The following SHISA6 variants were observed in gnomAD, a reference collection of about 807,000 sequenced individuals.
The protein encoded by SHISA6 is protein shisa-6.
SHISA6 carries 22 observed loss-of-function variants against 47.9 expected under a neutral mutation model. The observed-to-expected ratio is 0.46, with a 90% confidence interval of 0.33 to 0.66. The LOEUF (loss-of-function observed/expected upper bound fraction) is 0.66, where lower values mean the gene tolerates loss of function less well. SHISA6 is among the 30% of genes least tolerant of loss of function. SHISA6 has a pLI of 0.02. For synonymous variants in SHISA6, 388 were observed against 337.8 expected (o/e 1.15, Z -1.63); for missense variants, 680 against 764.6 (o/e 0.89, Z 1.30).
intron 3 of SHISA6, among the ~76,000 whole-genome samples, chr17:11,412,477 C>G (rs1036466103): frequency 6.6e-6 from 1 of 151,850 alleles, no homozygotes; most frequent in Non-Finnish European, 1.5e-5. Context: ...AACCAAGATT[C>G]TGTTTACTCT....
intron 2 of SHISA6, among the ~76,000 whole-genome samples, chr17:11,378,921 A>G (rs1334376438): frequency 3.3e-5 from 5 of 152,130 alleles, no homozygotes; most frequent in Non-Finnish European, 7.3e-5. Flanking sequence ...GATGAAAGAG[A>G]CAGAGGGAAG....
rs1192124165 is a variant in SHISA6, at chr17:11,270,445, G to A, written c.799+6919G>A. Among the ~76,000 whole-genome samples the A allele has an allele frequency of 3.3e-5, 5 of 152,178 alleles. No individual in the cohort carries two copies. In the South Asian group the frequency reaches 8.3e-4, roughly 25 times the overall value. On this transcript the variant is annotated intron_variant, in intron 2 of 5. Transcript: ENST00000441885. Reference sequence around the variant, plus strand: ...GTAGAAAGAGCTTGTAGGTTTCACAGTAAGACAAACCAAAGACCAAATTGC... The same window carrying A: ...GTAGAAAGAGCTTGTAGGTTTCACAATAAGACAAACCAAAGACCAAATTGC...
intron 3 of SHISA6, among the ~76,000 whole-genome samples, chr17:11,476,306 T>C (rs1279360005): frequency 1.3e-5 from 2 of 152,046 alleles, no homozygotes; most frequent in Admixed American, 1.3e-4. Context: ...CTATTTTTTA[T>C]TGCTTCTTTA....
At chr17:11,452,630 T>G (rs1036912597) in intron 3 of SHISA6, among the ~76,000 whole-genome samples, 6 of 149,410 alleles carry the variant, frequency 4.0e-5, no homozygotes, top group African/African-American at 9.9e-5. Flanking sequence ...CATCTTCCTC[T>G]TTCTCCTCCT....
chr17:11,355,433 T>C (rs934428387), intron 2 of SHISA6, among the ~76,000 whole-genome samples: 1 of 152,152 alleles, frequency 6.6e-6, no homozygotes, highest in Non-Finnish European at 1.5e-5. Context: ...GGGAAAAAAA[T>C]ACAATTTACT....
intron 3 of SHISA6, among the ~76,000 whole-genome samples, chr17:11,474,241 T>G (rs1261560400): frequency 1.3e-5 from 2 of 152,138 alleles, no homozygotes; most frequent in Non-Finnish European, 2.9e-5. Flanking sequence ...CCTGACTTCT[T>G]AATAATTGCC....
At chr17:11,396,449 A>G (rs1369067138) in intron 3 of SHISA6, among the ~76,000 whole-genome samples, 1 of 152,208 alleles carries the variant, frequency 6.6e-6, no homozygotes, top group Non-Finnish European at 1.5e-5. Context: ...CAATAAACGT[A>G]CGTGTGCATG....
intron 3 of SHISA6, among the ~76,000 whole-genome samples, chr17:11,423,438 AT>A (rs1597505969): frequency 6.6e-6 from 1 of 150,888 alleles, no homozygotes; most frequent in Non-Finnish European, 1.5e-5. Context: ...TTTGGGGAAA[AT>A]TTTTTTTTCT....
intron 3 of SHISA6, among the ~76,000 whole-genome samples, chr17:11,392,248 G>A (rs184007624): frequency 2.6e-5 from 4 of 152,054 alleles, no homozygotes; most frequent in South Asian, 2.1e-4. Flanking sequence ...GCAGTTGAAC[G>A]CCTGAGCCCT....
At chr17:11,532,272 G>A (rs961948922) in intron 3 of SHISA6, among the ~76,000 whole-genome samples, 22 of 152,204 alleles carry the variant, frequency 1.4e-4, no homozygotes, top group Non-Finnish European at 2.9e-4. Flanking sequence ...ATCAAGCCAC[G>A]TATACCATAT....
intron 2 of SHISA6, among the ~76,000 whole-genome samples, chr17:11,339,583 A>AC (rs1911455737): frequency 6.6e-6 from 1 of 152,238 alleles, no homozygotes; most frequent in Non-Finnish European, 1.5e-5. Flanking sequence ...TATTCTGCTC[A>AC]CCTGAAGTAA....
chr17:11,480,973 C>G (rs1334931391), intron 3 of SHISA6, among the ~76,000 whole-genome samples: 1 of 152,036 alleles, frequency 6.6e-6, no homozygotes, highest in South Asian at 2.1e-4. Flanking sequence ...GAACTAGATA[C>G]AAGTAATCTT....
intron 3 of SHISA6, among the ~76,000 whole-genome samples, chr17:11,450,878 C>T (rs946430378): frequency 1.3e-5 from 2 of 151,936 alleles, no homozygotes; most frequent in African/African-American, 4.8e-5. Flanking sequence ...GAACCTTGCC[C>T]CTCAAGCGCT....
At chr17:11,287,076 A>C (rs1909326357) in intron 2 of SHISA6, among the ~76,000 whole-genome samples, 1 of 152,192 alleles carries the variant, frequency 6.6e-6, no homozygotes, top group Admixed American at 6.5e-5. Flanking sequence ...TTTTCACTTT[A>C]GAAACATGTG....
intron 2 of SHISA6, among the ~76,000 whole-genome samples, chr17:11,335,716 ATG>A: frequency 6.6e-6 from 1 of 152,326 alleles, no homozygotes; most frequent in African/African-American, 2.4e-5. Context: ...TCCAGCGAAC[ATG>A]GAGGAAAGAA....
chr17:11,271,601 C>CTTTTT (rs770845288), intron 2 of SHISA6, among the ~76,000 whole-genome samples: 21 of 99,734 alleles, frequency 2.1e-4, no homozygotes, highest in African/African-American at 8.0e-4. Flanking sequence ...CCACGCCTGG[C>CTTTTT]TTTTTTTTTT....
At chr17:11,345,749 C>T (rs571123123) in intron 2 of SHISA6, among the ~76,000 whole-genome samples, 1 of 152,076 alleles carries the variant, frequency 6.6e-6, no homozygotes, top group Admixed American at 6.5e-5. Context: ...TTATTAATTT[C>T]ATTTTCAGTT....
At chr17:11,260,515 C>A (rs1908192150) in intron 1 of SHISA6, among the ~76,000 whole-genome samples, 1 of 152,036 alleles carries the variant, frequency 6.6e-6, no homozygotes, top group Admixed American at 6.6e-5. Flanking sequence ...CCGAATGTCT[C>A]TCTCTGACCC....
chr17:11,327,961 CA>C (rs1567574195), intron 2 of SHISA6, among the ~76,000 whole-genome samples: 3 of 151,960 alleles, frequency 2.0e-5, no homozygotes, highest in Non-Finnish European at 4.4e-5. Flanking sequence ...CTCTCTCTCT[CA>C]TAGATACACA....
Sources: allele counts gnomAD v4.1 joint callset (sites outside exome capture counted in the v4.1 genomes callset), GRCh38; gene constraint gnomAD v4.1.1; transcripts MANE v1.5; gene names NCBI Gene and HGNC (gene_info 2026-07-23, HGNC 2026-07-21).